Variants in PLEKHG7 observed in about 807,000 individuals in gnomAD.
The protein encoded by PLEKHG7 is pleckstrin homology domain-containing family G member 7.
A neutral mutation model predicts 85.2 loss-of-function variants in PLEKHG7; 77 were observed. The observed-to-expected ratio is 0.90, with a 90% CI of 0.75 to 1.09. The LOEUF (loss-of-function observed/expected upper bound fraction) is 1.09, where lower values mean the gene tolerates loss of function less well. Ranked by LOEUF, PLEKHG7 falls within the 50% of genes least tolerant of loss-of-function variation. PLEKHG7 has a pLI of 0.00. For synonymous variants in PLEKHG7, 301 were observed against 302.4 expected (o/e 1.00, Z 0.05); for missense variants, 777 against 804.3 (o/e 0.97, Z 0.41).
chr12:92,769,032 A>G lies in PLEKHG7; in HGVS notation c.1920A>G (p.Arg640=). 6.2e-7 allele frequency: 1 copy of G among 1,604,720 alleles called. No individual in the cohort carries two copies. Among genetic ancestry groups the G allele is most frequent in the African/African-American group, 1.3e-5 (1 of 74,768 alleles). Residue 640 remains arginine (R), a synonymous_variant, in exon 16 of 17, where the codon CGA becomes CGG. Transcript: ENST00000344636. Reference sequence around the variant, plus strand: ...TTATACAACACGAAAACAGATATCGACAGTGTATAGCAGCATTCTTATTAC... The same window carrying G: ...TTATACAACACGAAAACAGATATCGGCAGTGTATAGCAGCATTCTTATTAC... ...AFLIQHENRY[R]QCIAAFLLQA... is the part of the protein sequence containing the mutation.
At chr12:92,737,235 A>G in intron 6 of PLEKHG7, 143 bp from the exon 7 acceptor site, 1 of 691,840 alleles carries the variant, frequency 1.4e-6, no homozygotes, top group Non-Finnish European at 2.0e-6. Flanking sequence ...GTCACTGTCA[A>G]GAGGGATGCC....
rs763777900 is a variant in PLEKHG7 at position 92,754,079 on chromosome 12, G to A, written c.1252-11G>A. The A allele has an allele frequency of 3.7e-6, 6 of 1,609,414 alleles. No homozygotes were observed. The highest frequency in any genetic ancestry group is 5.1e-6 in the Non-Finnish European group (6 of 1,176,560). On this transcript the variant is annotated splice_polypyrimidine_tract_variant and intron_variant, in intron 10 of 16. Transcript: ENST00000344636. ...TGATCATTCTGATATGGCTGCTTTT[G>A]CCTTCCCCAGTGGTGTGAGCAGAAT...
intron 4 of PLEKHG7, 25 bp downstream of exon 4, chr12:92,729,145 AT>A: frequency 8.1e-7 from 1 of 1,231,450 alleles, no homozygotes; most frequent in Non-Finnish European, 1.0e-6. Flanking sequence ...GTATACTTTC[AT>A]TCCATGCCCA....
At chr12:92,763,287 C>G (rs1873089333) in intron 14 of PLEKHG7, among the ~76,000 whole-genome samples, 1 of 152,126 alleles carries the variant, frequency 6.6e-6, no homozygotes, top group Non-Finnish European at 1.5e-5. Context: ...GTGTTCAAAA[C>G]AATTTCAATT....
chr12:92,740,271 CT>C (rs201972621), intron 7 of PLEKHG7, among the ~76,000 whole-genome samples: 1 of 152,054 alleles, frequency 6.6e-6, no homozygotes, highest in East Asian at 1.9e-4. Context: ...GAGGATTGTA[CT>C]TTTTTTTGAC....
intron 3 of PLEKHG7, among the ~76,000 whole-genome samples, chr12:92,725,647 A>G (rs1320146577): frequency 6.6e-6 from 1 of 152,176 alleles, no homozygotes; most frequent in African/African-American, 2.4e-5. Context: ...TTGTGTCTAC[A>G]CTCTGTATCT....
chr12:92,753,207 A>G (rs1872738247), intron 10 of PLEKHG7, among the ~76,000 whole-genome samples: 2 of 152,124 alleles, frequency 1.3e-5, no homozygotes, highest in Non-Finnish European at 2.9e-5. Context: ...GAGAAGAGGA[A>G]GAGAACACAC....
intron 7 of PLEKHG7, among the ~76,000 whole-genome samples, chr12:92,739,496 A>G (rs747788305): frequency 6.6e-6 from 1 of 152,200 alleles, no homozygotes; most frequent in Non-Finnish European, 1.5e-5. Context: ...TCCTTGTCCT[A>G]AGAAACTGCA....
chr12:92,737,286 G>T, intron 6 of PLEKHG7, 92 bp from the exon 7 acceptor site: 1 of 1,125,844 alleles, frequency 8.9e-7, no homozygotes, highest in Non-Finnish European at 1.1e-6. Flanking sequence ...GGGGTTGCTT[G>T]GTCCTTTGGA....
At chr12:92,705,662 C>T (rs1285047320) in intron 1 of PLEKHG7, among the ~76,000 whole-genome samples, 9 of 152,206 alleles carry the variant, frequency 5.9e-5, no homozygotes, top group African/African-American at 1.7e-4. Flanking sequence ...CAGTCCCACA[C>T]CTGGTCTGCA....
intron 14 of PLEKHG7, among the ~76,000 whole-genome samples, 176 bp downstream of exon 14, chr12:92,762,007 T>C (rs879393699): frequency 6.7e-6 from 1 of 149,942 alleles, no homozygotes; most frequent in African/African-American, 2.5e-5. Context: ...CTGAAGTAAA[T>C]AAATAAATAA....
At position 92,770,181 on chromosome 12, in the gene PLEKHG7, T is replaced by C. The variant is rs1042031460; in HGVS notation, c.2062T>C (p.Ser688Pro). ...KISLFTLPAE[S>P]SEI ...ATCTTTATTCACATTGCCCGCAGAATCCTCTGAAATTTAGGGACCTAAAAC... is the reference window on the plus strand; with the variant it reads ...ATCTTTATTCACATTGCCCGCAGAACCCTCTGAAATTTAGGGACCTAAAAC... The change falls in exon 17 of 17, where the codon TCC becomes CCC. Residue 688 changes from serine to proline, a missense_variant. Physicochemically the swap from Ser to Pro is moderately conservative, Grantham distance 74 (BLOSUM62 -1). Transcript: ENST00000344636. The C allele has an allele frequency of 6.3e-7, 1 of 1,597,540 alleles. No homozygotes were observed. The highest frequency in any genetic ancestry group is 8.5e-7 in the Non-Finnish European group (1 of 1,170,696).
chr12:92,755,801 TACTG>T lies in PLEKHG7; in HGVS notation c.1427-20_1427-17del, dbSNP rs1198164761. Reference sequence around the variant, plus strand: ...GCAATGTCATATGCACCTAAAAATATACTGACTATGTCATGTCTTTCAGGGGACC... The same window carrying T: ...GCAATGTCATATGCACCTAAAAATATACTATGTCATGTCTTTCAGGGGACC... On this transcript the variant is annotated intron_variant, in intron 11 of 16. Coordinates refer to ENST00000344636, the MANE Select transcript of PLEKHG7 (RefSeq NM_001377329.1). The T allele has an allele frequency of 1.0e-5, 15 of 1,482,864 alleles. No homozygotes were observed. The highest frequency in any genetic ancestry group is 1.4e-5 in the Non-Finnish European group (15 of 1,065,266). The allele number at this position is 1,482,864 out of a possible 1,614,324, so 91.9% of individuals were successfully genotyped here.
At chr12:92,718,909 A>G (rs1184380846) in intron 3 of PLEKHG7, among the ~76,000 whole-genome samples, 4 of 152,202 alleles carry the variant, frequency 2.6e-5, no homozygotes, top group Non-Finnish European at 4.4e-5. Flanking sequence ...CTCACACATG[A>G]TGAGACTCTT....
chr12:92,767,669 C>T (rs776987331), intron 15 of PLEKHG7, among the ~76,000 whole-genome samples: 1 of 152,070 alleles, frequency 6.6e-6, no homozygotes, highest in Non-Finnish European at 1.5e-5. Context: ...TGGGGTAGTT[C>T]TTGCAGTTAA....
rs770505772 is a variant in PLEKHG7, at chr12:92,706,883, T to C, written c.252T>C (p.Leu84=). 20 of 1,613,820 alleles carry C rather than the reference T, an allele frequency of 1.2e-5. No individual in the cohort carries two copies. Among genetic ancestry groups the C allele is most frequent in the Non-Finnish European group, 1.6e-5 (19 of 1,179,994 alleles). Residue 84 remains leucine (L), a synonymous_variant, in exon 2 of 17, where the codon CTT becomes CTC. Coordinates refer to ENST00000344636, the MANE Select transcript of PLEKHG7 (RefSeq NM_001377329.1). The stretch of plus-strand genomic sequence containing the variant: ...CTCCTGTGGGCTTCCCATGTTACCT[T>C]TCGAAGAGCCTGCCAGGAAGCCCAA... ...WGAPVGFPCY[L]SKSLPGSPKD... is the part of the protein sequence containing the mutation.
At chr12:92,711,764 G>C (rs923707143) in intron 3 of PLEKHG7, among the ~76,000 whole-genome samples, 1 of 152,158 alleles carries the variant, frequency 6.6e-6, no homozygotes, top group Non-Finnish European at 1.5e-5. Context: ...AGCACCATTG[G>C]ATCTGCTGGG....
At chr12:92,757,455 T>C (rs184537874) in intron 13 of PLEKHG7, among the ~76,000 whole-genome samples, 4 of 152,264 alleles carry the variant, frequency 2.6e-5, no homozygotes, top group Non-Finnish European at 5.9e-5. Context: ...TGGGAAATAA[T>C]CCCTTAATAC....
intron 13 of PLEKHG7, among the ~76,000 whole-genome samples, chr12:92,757,309 C>T (rs1872862878): frequency 6.6e-6 from 1 of 152,198 alleles, no homozygotes; most frequent in Non-Finnish European, 1.5e-5. Context: ...GAAAGGCTGC[C>T]TGGCTGAAAT....
Sources: gnomAD v4.1 joint callset for allele counts (sites outside exome capture counted in the v4.1 genomes callset) on GRCh38, gnomAD v4.1.1 for gene constraint, MANE v1.5 for transcripts, NCBI Gene and HGNC (gene_info 2026-07-23, HGNC 2026-07-21) for gene names.